The following NUP54 variants were observed in gnomAD, a reference collection of about 807,000 sequenced individuals.
NUP54 encodes nucleoporin p54.
NUP54 carries 27 observed loss-of-function variants against 66.4 expected under a neutral mutation model. The observed-to-expected ratio is 0.41, with a 90% CI of 0.30 to 0.56. The LOEUF is 0.56. NUP54 is among the 20% of genes least tolerant of loss of function. The pLI, the probability that NUP54 is intolerant of heterozygous loss-of-function variation, is 0.34. For missense variants in NUP54, 486 were observed against 596.3 expected, an observed-to-expected ratio of 0.82 and a Z score of 1.93; for synonymous variants, 206 against 210.7, an observed-to-expected ratio of 0.98 and a Z score of 0.19.
intron 3 of NUP54, among the ~76,000 whole-genome samples, chr4:76,140,072 A>C (rs1731200818): frequency 6.6e-6 from 1 of 152,176 alleles, no homozygotes; most frequent in Non-Finnish European, 1.5e-5. Context: ...AAGAAAAAAT[A>C]AACTTTGAGT....
rs775205568 is a variant in NUP54 at position 76,115,449 on chromosome 4, T to C, written c.1441A>G (p.Ile481Val). 6.2e-7 allele frequency: 1 copy of C among 1,611,340 alleles called. No individual in the cohort carries two copies. The highest frequency in any genetic ancestry group is 8.5e-7 in the Non-Finnish European group (1 of 1,178,798). ...TTTATATCTTCTAGATCGTCTTTAA[T>C]GATGCTAATCAAATGGCTAAGGCCT... is the stretch of plus-strand genomic sequence containing the variant. ...QEGLSHLISI[I>V]KDDLEDIKLV... is the part of the protein sequence containing the mutation. The change falls in exon 12 of 12, where the codon ATT (isoleucine) becomes GTT (valine). Residue 481 changes from isoleucine to valine, a missense_variant. Physicochemically the swap from Ile to Val is conservative, Grantham distance 29 (BLOSUM62 3). Coordinates refer to ENST00000264883, the MANE Select transcript of NUP54 (RefSeq NM_017426.4).
At position 76,124,624 on chromosome 4, in the gene NUP54, T is replaced by TGG. The variant is rs10567711; in HGVS notation, c.1164+23_1164+24dup. The TGG allele has an allele frequency of 7.5e-4, 782 of 1,041,298 alleles. 7 individuals carry two copies. The African/African-American group carries it at 0.011, about 15-fold the overall frequency. The allele number at this position is 1,041,298 out of a possible 1,614,324, so 64.5% of individuals were successfully genotyped here. On this transcript the variant is annotated intron_variant, in intron 9 of 11. Coordinates refer to ENST00000264883, the MANE Select transcript of NUP54 (RefSeq NM_017426.4). ...TTCACACACATAGTCTTATAAACAC[T>TGG]GGGGGGGAAAATCCAAATTACTACC... is the stretch of plus-strand genomic sequence containing the variant.
intron 11 of NUP54, among the ~76,000 whole-genome samples, chr4:76,117,391 AAT>A (rs1469645336): frequency 4.6e-5 from 7 of 152,256 alleles, no homozygotes; most frequent in Non-Finnish European, 7.4e-5. Context: ...TGGGTGTACA[AAT>A]ATGTTTTGAG....
chr4:76,123,528 T>A (rs2109862384), intron 9 of NUP54, among the ~76,000 whole-genome samples: 1 of 152,274 alleles, frequency 6.6e-6, no homozygotes, highest in East Asian at 1.9e-4. Context: ...TCTCCTTTTT[T>A]CTGAGATGGA....
At chr4:76,129,682 G>A (rs564140901) in intron 8 of NUP54, among the ~76,000 whole-genome samples, 108 of 151,922 alleles carry the variant, frequency 7.1e-4, no homozygotes, top group South Asian at 2.1e-4. Context: ...TGGTTAACAC[G>A]GTGAAACCCC....
chr4:76,116,888 G>A (rs1010878337), intron 11 of NUP54, among the ~76,000 whole-genome samples: 2 of 152,084 alleles, frequency 1.3e-5, no homozygotes, highest in East Asian at 1.9e-4. Flanking sequence ...TCTTTTTGGC[G>A]AGGAGAGGGA....
intron 1 of NUP54, among the ~76,000 whole-genome samples, chr4:76,146,859 A>C (rs994454935): frequency 6.6e-6 from 1 of 152,234 alleles, no homozygotes. Flanking sequence ...ATTCGATGCT[A>C]TATCACATAA....
intron 5 of NUP54, 21 bp downstream of exon 5, chr4:76,134,154 A>G: frequency 1.3e-6 from 2 of 1,513,396 alleles, no homozygotes; most frequent in Non-Finnish European, 1.8e-6. Context: ...AGAAATAAAC[A>G]GTATATTTAT....
At chr4:76,127,862 C>T (rs73826328) in intron 8 of NUP54, among the ~76,000 whole-genome samples, 1,793 of 152,218 alleles carry the variant, frequency 0.012, 32 homozygotes, top group African/African-American at 0.039. Flanking sequence ...CAGTTCTGGA[C>T]AAGATGGACT....
intron 9 of NUP54, among the ~76,000 whole-genome samples, chr4:76,118,875 C>G (rs745623483): frequency 2.6e-5 from 4 of 151,870 alleles, no homozygotes; most frequent in Non-Finnish European, 5.9e-5. Flanking sequence ...GTTGATGGTG[C>G]ACGCCTGTAG....
chr4:76,132,263 C>A, intron 6 of NUP54: 1 of 245,672 alleles, frequency 4.1e-6, no homozygotes, highest in Non-Finnish European at 7.6e-6. Flanking sequence ...TAGTAAATTA[C>A]CTTTGGGTAG....
At chr4:76,136,439 T>TAA in intron 3 of NUP54, 27 bp from the exon 4 acceptor site, 1 of 1,575,570 alleles carries the variant, frequency 6.3e-7, no homozygotes, top group South Asian at 1.1e-5. Flanking sequence ...AATTAGTATT[T>TAA]AAAAACAAAA....
At chr4:76,129,947 T>A (rs1246357555) in intron 8 of NUP54, among the ~76,000 whole-genome samples, 2 of 146,400 alleles carry the variant, frequency 1.4e-5, no homozygotes, top group Non-Finnish European at 1.5e-5. Context: ...TAAGAATCTT[T>A]AAGTATTTAA....
chr4:76,147,960 G>A (rs1380411705), intron 1 of NUP54: 3 of 331,180 alleles, frequency 9.1e-6, no homozygotes, highest in African/African-American at 4.2e-5. Context: ...CGCCCATCCA[G>A]GAGGCTGAGG....
intron 5 of NUP54, among the ~76,000 whole-genome samples, chr4:76,133,099 T>C (rs1282221544): frequency 2.0e-5 from 3 of 151,510 alleles, no homozygotes; most frequent in Non-Finnish European, 4.4e-5. Context: ...ACACTCGCTA[T>C]GTTGCCTAGG....
chr4:76,137,456 G>C (rs1731084816), intron 3 of NUP54, among the ~76,000 whole-genome samples: 2 of 152,128 alleles, frequency 1.3e-5, no homozygotes, highest in Non-Finnish European at 2.9e-5. Flanking sequence ...CTTTATTGCT[G>C]TTATATTTAT....
chr4:76,132,470 G>A, intron 6 of NUP54, 53 bp downstream of exon 6: 2 of 1,390,304 alleles, frequency 1.4e-6, no homozygotes, highest in Non-Finnish European at 1.9e-6. Flanking sequence ...TACGGGGAGT[G>A]TTTAGTTCTA....
intron 1 of NUP54, 71 bp downstream of exon 1, chr4:76,148,237 A>T: frequency 9.5e-7 from 1 of 1,047,460 alleles, no homozygotes; most frequent in Non-Finnish European, 1.3e-6. Flanking sequence ...CAGGTCGGAG[A>T]GTCTCGGACA....
Position 76,134,258 on chromosome 4 carries a change from C to T in NUP54, c.627G>A (p.Leu209=). 6.2e-7 allele frequency: 1 copy of T among 1,613,710 alleles called. No homozygotes were observed. The highest frequency in any genetic ancestry group is 1.3e-5 in the African/African-American group (1 of 75,008). ...CCAAAACTTTATGCAATGATTCTACCAACTGTTGTTGTTGGCTTCGAATCT... is the reference window on the plus strand; with the variant it reads ...CCAAAACTTTATGCAATGATTCTACTAACTGTTGTTGTTGGCTTCGAATCT... ...ETEIRSQQQQ[L]VESLHKVLGG... The change falls in exon 5 of 12, where the codon TTG becomes TTA. Residue 209 remains leucine, a synonymous_variant. Coordinates refer to ENST00000264883, the MANE Select transcript of NUP54 (RefSeq NM_017426.4).
Sources: allele counts gnomAD v4.1 joint callset (sites outside exome capture counted in the v4.1 genomes callset), GRCh38; gene constraint gnomAD v4.1.1; transcripts MANE v1.5; gene names NCBI Gene and HGNC (gene_info 2026-07-23, HGNC 2026-07-21).